DCDC2C: variants seen among roughly 807,000 people sequenced by gnomAD.
The protein encoded by DCDC2C is doublecortin domain-containing protein 2C.
Under a neutral mutation model 45.0 loss-of-function variants are expected in DCDC2C, and 44 were observed. The observed-to-expected ratio is 0.98, with a 90% CI of 0.77 to 1.26. The LOEUF is 1.26. Among genes scored for constraint, DCDC2C ranks in the 50% most tolerant of loss-of-function variants. DCDC2C has a pLI of 0.00. For synonymous variants in DCDC2C, 187 were observed against 178.8 expected (o/e 1.05, Z -0.37); for missense variants, 447 against 468.9 (o/e 0.95, Z 0.43).
intron 3 of DCDC2C, among the ~76,000 whole-genome samples, chr2:3,735,412 CTG>C (rs1199971247): frequency 1.7e-4 from 26 of 152,158 alleles, no homozygotes; most frequent in Non-Finnish European, 3.4e-4. Flanking sequence ...TATCCCTCCC[CTG>C]CCCCCCACCC....
intron 10 of DCDC2C, among the ~76,000 whole-genome samples, chr2:3,802,675 A>C (rs575741142): frequency 6.6e-6 from 1 of 152,188 alleles, no homozygotes. Context: ...GGTCTCTTCT[A>C]GAAGGGGCTG....
chr2:3,836,593 T>A (rs1672081243), intron 10 of DCDC2C, among the ~76,000 whole-genome samples: 1 of 152,206 alleles, frequency 6.6e-6, no homozygotes, highest in Admixed American at 6.5e-5. Context: ...CGGGGCGCGG[T>A]GGCTCACGCC....
chr2:3,726,143 G>T (rs1668677639), intron 2 of DCDC2C: 1 of 152,526 alleles, frequency 6.6e-6, no homozygotes. Context: ...AGGTGTGAAG[G>T]GACCCCAAGC....
chr2:3,718,473 G>A (rs1195145853), intron 2 of DCDC2C, among the ~76,000 whole-genome samples: 1 of 152,176 alleles, frequency 6.6e-6, no homozygotes, highest in African/African-American at 2.4e-5. Flanking sequence ...AATCAAGTGT[G>A]TGGCTGTTTC....
intron 3 of DCDC2C, 43 bp downstream of exon 3, chr2:3,727,122 A>G: frequency 6.8e-7 from 1 of 1,465,654 alleles, no homozygotes; most frequent in Non-Finnish European, 9.3e-7. Context: ...CTGTGCCATA[A>G]CTCCCTAAAA....
rs779312174 is a variant in DCDC2C, at chr2:3,704,004, G to A, written c.253G>A (p.Val85Met). The A allele has an allele frequency of 1.6e-6, 2 of 1,287,220 alleles. No homozygotes were observed. The highest frequency in any genetic ancestry group is 2.0e-6 in the Non-Finnish European group (2 of 1,016,668). The allele number at this position is 1,287,220 out of a possible 1,614,324, so 79.7% of individuals were successfully genotyped here. The change falls in exon 1 of 11, where the codon GTG becomes ATG. Residue 85 changes from valine to methionine, a missense_variant. Coordinates refer to ENST00000399143, the MANE Select transcript of DCDC2C (RefSeq NM_001287444.2). ...CGCGCTGCAGGCGGGCGGCAAGTACGTGGCGGCGGGCCGCGAGCGCTTCAA... is the reference window on the plus strand; with the variant it reads ...CGCGCTGCAGGCGGGCGGCAAGTACATGGCGGCGGGCCGCGAGCGCTTCAA... ...LDALQAGGKYVAAGRERFKEL... is the reference protein window; with the variant it reads ...LDALQAGGKYMAAGRERFKEL...
chr2:3,794,318 CAT>C (rs542656063), intron 10 of DCDC2C, among the ~76,000 whole-genome samples: 43 of 152,244 alleles, frequency 2.8e-4, no homozygotes, highest in South Asian at 1.0e-3. Flanking sequence ...CTGTCAAACA[CAT>C]GTGCATGTTT....
Position 3,788,857 on chromosome 2 carries a change from C to A in DCDC2C, c.1065+3757C>A, listed in dbSNP as rs1377718762. Reference sequence around the variant, plus strand: ...CTTCCCCAACCCTCCCTCTCTCCCCCCAACCCTCCCTCCCTCTCTCTCTCT... The same window carrying A: ...CTTCCCCAACCCTCCCTCTCTCCCCACAACCCTCCCTCCCTCTCTCTCTCT... On this transcript the variant is annotated intron_variant, in intron 10 of 10. Coordinates refer to ENST00000399143, the MANE Select transcript of DCDC2C (RefSeq NM_001287444.2). Among the ~76,000 whole-genome samples, 8 of 145,774 alleles carry A rather than the reference C, an allele frequency of 5.5e-5. No individual in the cohort carries two copies. In the East Asian group the frequency reaches 1.7e-3, roughly 31 times the overall value.
intron 2 of DCDC2C, among the ~76,000 whole-genome samples, chr2:3,713,677 A>G (rs1668279085): frequency 6.6e-6 from 1 of 152,222 alleles, no homozygotes; most frequent in African/African-American, 2.4e-5. Context: ...TGTTGGGGAC[A>G]ACCTGAATGT....
intron 8 of DCDC2C, among the ~76,000 whole-genome samples, chr2:3,772,759 T>G (rs1670210322): frequency 6.6e-6 from 1 of 152,228 alleles, no homozygotes; most frequent in Non-Finnish European, 1.5e-5. Context: ...TACAAGTCAC[T>G]TTTCTGTCCT....
intron 8 of DCDC2C, among the ~76,000 whole-genome samples, 161 bp downstream of exon 8, chr2:3,769,572 T>G (rs1433964632): frequency 6.6e-6 from 1 of 152,214 alleles, no homozygotes; most frequent in Non-Finnish European, 1.5e-5. Context: ...GATCCTGTGT[T>G]AAGCATTTTC....
Position 3,765,265 on chromosome 2 carries a change from A to G in DCDC2C, c.727-2489A>G, listed in dbSNP as rs188457915. ...ATCAGCAGAGATTTACTGAGCAACT[A>G]TTATGCTTGCTGAATTGAACACACG... On this transcript the variant is annotated intron_variant, in intron 6 of 10. Transcript: ENST00000399143. 2.6e-5 allele frequency among the ~76,000 whole-genome samples: 4 copies of G among 152,268 alleles called. No individual in the cohort carries two copies. In the East Asian group the frequency reaches 5.8e-4, roughly 22 times the overall value.
At position 3,704,084 on chromosome 2, in the gene DCDC2C, C is replaced by A. The variant is rs1298677361; in HGVS notation, c.287+46C>A. On this transcript the variant is annotated intron_variant, in intron 1 of 10. Transcript: ENST00000399143. ...CACGCGCCCTGCGCCCCTCCCCGCC[C>A]TCTTGGGTCTGAGCGTGGTCAGGGC... 6 of 1,234,054 alleles carry A rather than the reference C, an allele frequency of 4.9e-6. No individual in the cohort carries two copies. The African/African-American group carries it at 7.8e-5, about 16-fold the overall frequency. 76.4% of individuals were successfully genotyped at this position (1,234,054 alleles called of 1,614,324 possible).
chr2:3,766,309 C>G (rs566532552), intron 6 of DCDC2C, among the ~76,000 whole-genome samples: 1 of 122,010 alleles, frequency 8.2e-6, no homozygotes, highest in Non-Finnish European at 1.9e-5. Flanking sequence ...TACACACACA[C>G]GCACACACAC....
chr2:3,839,711 C>T (rs1300245151), intron 10 of DCDC2C, among the ~76,000 whole-genome samples: 1 of 152,230 alleles, frequency 6.6e-6, no homozygotes, highest in African/African-American at 2.4e-5. Flanking sequence ...GCTCTTCTGA[C>T]GGCTTCTCGA....
At chr2:3,831,799 G>A (rs766070731) in intron 10 of DCDC2C, among the ~76,000 whole-genome samples, 7 of 152,268 alleles carry the variant, frequency 4.6e-5, no homozygotes, top group Middle Eastern at 3.4e-3. Context: ...AGAGCGCTCC[G>A]CCTCTCTGAA....
intron 3 of DCDC2C, among the ~76,000 whole-genome samples, chr2:3,737,284 C>G (rs1184786988): frequency 6.6e-6 from 1 of 152,216 alleles, no homozygotes; most frequent in Non-Finnish European, 1.5e-5. Context: ...TTCAGTTCAA[C>G]TCAGCTTGGA....
At chr2:3,785,314 C>A (rs530507931) in intron 10 of DCDC2C, among the ~76,000 whole-genome samples, 2 of 152,284 alleles carry the variant, frequency 1.3e-5, no homozygotes, top group South Asian at 4.1e-4. Context: ...GTGGATGGAT[C>A]CTCAGGAAAG....
At chr2:3,726,953 G>T in intron 2 of DCDC2C, 50 bp from the exon 3 acceptor site, 1 of 1,487,020 alleles carries the variant, frequency 6.7e-7, no homozygotes, top group African/African-American at 1.4e-5. Context: ...AGTTTGATGA[G>T]TGTTGGCTAA....
Sources: gnomAD v4.1 joint callset for allele counts (sites outside exome capture counted in the v4.1 genomes callset) on GRCh38, gnomAD v4.1.1 for gene constraint, MANE v1.5 for transcripts, NCBI Gene and HGNC (gene_info 2026-07-23, HGNC 2026-07-21) for gene names.